The following BRCA2 variants were observed in gnomAD, a reference collection of about 807,000 sequenced individuals.
BRCA2 encodes the protein breast cancer type 2 susceptibility protein.
A neutral mutation model predicts 276.7 loss-of-function variants in BRCA2; 203 were observed. The observed-to-expected ratio is 0.73, with a 90% CI of 0.65 to 0.82. The LOEUF is 0.82. Ranked by LOEUF, BRCA2 falls within the 40% of genes least tolerant of loss-of-function variation. BRCA2 has a pLI of 0.00. For missense variants in BRCA2, 3,920 were observed against 3,915.0 expected (o/e 1.00, Z -0.03); for synonymous variants, 1,289 against 1,338.4 (o/e 0.96, Z 0.81).
chr13:32,382,785 A>G (rs1397115470), intron 24 of BRCA2, among the ~76,000 whole-genome samples: 1 of 152,234 alleles, frequency 6.6e-6, no homozygotes, highest in Non-Finnish European at 1.5e-5. Context: ...CTGATGAGAA[A>G]GATCCAATAA....
In BRCA2 at chr13:32,338,486, C is replaced by T. The variant is rs2137503190; in HGVS notation, c.4131C>T (p.Asn1377=). The T allele has an allele frequency of 6.2e-7, 1 of 1,610,192 alleles. No homozygotes were observed. The highest frequency in any genetic ancestry group is 2.2e-5 in the East Asian group (1 of 44,812). Residue 1377 remains asparagine, a synonymous_variant, in exon 11 of 27, where the codon AAC becomes AAT. Coordinates refer to ENST00000380152, the MANE Select transcript of BRCA2 (RefSeq NM_000059.4). ...CTGGCCAGTTTATGAAGGAGGGAAA[C>T]ACTCAGATTAAAGAAGATTTGTCAG... is the stretch of plus-strand genomic sequence containing the variant. ...KLSGQFMKEG[N]TQIKEDLSDL... is the part of the protein sequence containing the mutation.
intron 7 of BRCA2, among the ~76,000 whole-genome samples, 167 bp from the exon 8 acceptor site, chr13:32,329,276 G>A (rs1443165203): frequency 6.6e-6 from 1 of 152,162 alleles, no homozygotes; most frequent in East Asian, 1.9e-4. Context: ...TTTATTCACT[G>A]TGTTGATTGA....
intron 24 of BRCA2, among the ~76,000 whole-genome samples, chr13:32,392,589 CAA>C (rs10577567): frequency 0.29 from 38,561 of 134,150 alleles, 5,183 homozygotes; most frequent in African/African-American, 0.34. Flanking sequence ...GACTGCGTCT[CAA>C]AAAAAAAAAA....
At chr13:32,327,672 CAAA>C (rs760842499) in intron 7 of BRCA2, among the ~76,000 whole-genome samples, 1 of 119,990 alleles carries the variant, frequency 8.3e-6, no homozygotes, top group Non-Finnish European at 1.8e-5. Flanking sequence ...GACTCTGTCT[CAAA>C]AAAAAAAAAA....
chr13:32,375,351 T>G, intron 20 of BRCA2: 1 of 450,906 alleles, frequency 2.2e-6, no homozygotes, highest in Non-Finnish European at 4.4e-6. Flanking sequence ...AGTTACTTCC[T>G]CCACTGAAGT....
chr13:32,396,944 T>C lies in BRCA2; in HGVS notation c.9548T>C (p.Ile3183Thr), dbSNP rs755201475. 6.2e-6 allele frequency: 10 copies of C among 1,614,012 alleles called. No homozygotes were observed. In the South Asian group the frequency reaches 1.1e-4, roughly 18 times the overall value. ...GAAGCAGAAAACAAGCTTATGCATA[T>C]ACTGCATGCAAATGATCCCAAGTGG... ...CNEAENKLMH[I>T]LHANDPKWST... is the part of the protein sequence containing the mutation. The change falls in exon 26 of 27, where the codon ATA becomes ACA. Residue 3183 changes from isoleucine (I) to threonine (T), a missense_variant. Around this residue, in one of 2 missense-constraint regions of BRCA2, gnomAD observed 657 missense variants for 758.2 expected, o/e 0.87. Coordinates refer to ENST00000380152, the MANE Select transcript of BRCA2 (RefSeq NM_000059.4).
At chr13:32,379,698 T>A (rs2072906090) in intron 22 of BRCA2, 52 bp from the exon 23 acceptor site, 1 of 1,574,258 alleles carries the variant, frequency 6.4e-7, no homozygotes, top group Non-Finnish European at 8.7e-7. Context: ...AAACAAACAT[T>A]TAAATGATAA....
chr13:32,377,747 C>T (rs889940698), intron 21 of BRCA2, among the ~76,000 whole-genome samples: 4 of 151,858 alleles, frequency 2.6e-5, no homozygotes, highest in Non-Finnish European at 4.4e-5. Flanking sequence ...AGGTAGATAG[C>T]TAAAAAAAAA....
In BRCA2 at chr13:32,357,767, A is replaced by G. The variant is rs80358992; in HGVS notation, c.7643A>G (p.His2548Arg). 2.6e-5 allele frequency: 42 copies of G among 1,613,416 alleles called. No individual in the cohort carries two copies. The highest frequency in any genetic ancestry group is 3.5e-5 in the Non-Finnish European group (41 of 1,179,606). Reference protein sequence around the residue: ...KQLYTYGVSKHCIKINSKNAE... With the variant: ...KQLYTYGVSKRCIKINSKNAE... ...CTGTATACGTATGGCGTTTCTAAACATTGCATAAAAATTAACAGCAAAAAT... is the reference window on the plus strand; with the variant it reads ...CTGTATACGTATGGCGTTTCTAAACGTTGCATAAAAATTAACAGCAAAAAT... Residue 2548 changes from histidine to arginine, a missense_variant, in exon 16 of 27, where the codon CAT (histidine) becomes CGT (arginine). This residue lies in a region of BRCA2 where 3,263 missense variants were observed against 3,156.9 expected (regional missense o/e 1.03). Coordinates refer to ENST00000380152, the MANE Select transcript of BRCA2 (RefSeq NM_000059.4).
intron 3 of BRCA2, 96 bp downstream of exon 3, chr13:32,319,421 G>T: frequency 7.8e-7 from 1 of 1,278,378 alleles, no homozygotes; most frequent in Non-Finnish European, 1.1e-6. Flanking sequence ...ATTGTGTCAT[G>T]CTGGGCAAAT....
intron 26 of BRCA2, among the ~76,000 whole-genome samples, chr13:32,397,699 A>G (rs2073045917): frequency 1.3e-5 from 2 of 152,150 alleles, no homozygotes; most frequent in Admixed American, 1.3e-4. Flanking sequence ...TTAAGTGAGG[A>G]CTTGACTCTA....
chr13:32,330,904 CTA>C lies in BRCA2; in HGVS notation c.682-12_682-11del, dbSNP rs276174879. On this transcript the variant is annotated splice_polypyrimidine_tract_variant and intron_variant, in intron 8 of 26. Coordinates refer to ENST00000380152, the MANE Select transcript of BRCA2 (RefSeq NM_000059.4). ...GAGTTTTTATACTAGTGATTTTAAA[CTA>C]TAATTTTTGCAGAATGTGAAAAGCT... is the stretch of plus-strand genomic sequence containing the variant. 69 of 1,500,286 alleles carry C rather than the reference CTA, an allele frequency of 4.6e-5. 1 individual carries two copies. The highest frequency in any genetic ancestry group is 4.6e-5 in the South Asian group (4 of 87,832). The allele number at this position is 1,500,286 out of a possible 1,614,324, so 92.9% of individuals were successfully genotyped here.
chr13:32,380,131 T>C lies in BRCA2; in HGVS notation c.9242T>C (p.Val3081Ala), dbSNP rs80359189. 22 of 1,612,824 alleles carry C rather than the reference T, an allele frequency of 1.4e-5. No homozygotes were observed. The highest frequency in any genetic ancestry group is 1.6e-4 in the Middle Eastern group (1 of 6,078). Residue 3081 changes from valine to alanine, a missense_variant, in exon 24 of 27, where the codon GTT becomes GCT. Transcript: ENST00000380152. ...GACCTAATAGGATTTGTCGTTTCTGTTGTGAAAAAAACAGGTAATGCACAA... is the reference window on the plus strand; with the variant it reads ...GACCTAATAGGATTTGTCGTTTCTGCTGTGAAAAAAACAGGTAATGCACAA... ...EVDLIGFVVSVVKKTGLAPFV... is the reference protein window; with the variant it reads ...EVDLIGFVVSAVKKTGLAPFV...
At chr13:32,348,010 A>G (rs1323795907) in intron 13 of BRCA2, among the ~76,000 whole-genome samples, 2 of 152,172 alleles carry the variant, frequency 1.3e-5, no homozygotes, top group Non-Finnish European at 2.9e-5. Flanking sequence ...GACTATGAAA[A>G]CTTCATAAAA....
Position 32,316,087 on chromosome 13 carries a change from G to A in BRCA2, c.-39-335G>A, listed in dbSNP as rs1593880229. 5.3e-5 allele frequency among the ~76,000 whole-genome samples: 8 copies of A among 152,212 alleles called. No individual in the cohort carries two copies. The South Asian group carries it at 1.4e-3, about 28-fold the overall frequency. ...GGTAATTGCTGTATTCCGAAGACAT[G>A]CTGATGGGAATTACCAGGCGGCGTT... On this transcript the variant is annotated intron_variant, in intron 1 of 26. Coordinates refer to ENST00000380152, the MANE Select transcript of BRCA2 (RefSeq NM_000059.4).
At chr13:32,349,602 G>A (rs1294210589) in intron 13 of BRCA2, among the ~76,000 whole-genome samples, 2 of 151,982 alleles carry the variant, frequency 1.3e-5, no homozygotes, top group African/African-American at 4.8e-5. Context: ...AATCACCTGA[G>A]GTCAGGAATT....
chr13:32,384,736 C>A (rs374540640), intron 24 of BRCA2: 1 of 249,426 alleles, frequency 4.0e-6, no homozygotes. Context: ...TGGGAGGTAT[C>A]AATTAAAGAT....
Position 32,362,669 on chromosome 13 carries a change from G to C in BRCA2, c.7952G>C (p.Arg2651Thr), listed in dbSNP as rs1555286866. 6.2e-7 allele frequency: 1 copy of C among 1,614,166 alleles called. No homozygotes were observed. Among genetic ancestry groups the C allele is most frequent in the African/African-American group, 1.3e-5 (1 of 75,056 alleles). The change falls in exon 17 of 27, where the codon AGG becomes ACG. Residue 2651 changes from arginine (R) to threonine (T), a missense_variant. Coordinates refer to ENST00000380152, the MANE Select transcript of BRCA2 (RefSeq NM_000059.4). ...GCTAATAGATGCCTAAGCCCAGAAA[G>C]GGTGCTTCTTCAACTAAAATACAGG... ...EFANRCLSPE[R>T]VLLQLKYRYD...
In BRCA2 at chr13:32,354,862, A is replaced by G. The variant is rs431825348; in HGVS notation, c.7009A>G (p.Thr2337Ala). The change falls in exon 14 of 27, where the codon ACA becomes GCA. Residue 2337 changes from threonine to alanine, a missense_variant and splice_region_variant. By Grantham distance (58) the Thr-to-Ala change is moderately conservative. Around this residue, in one of 2 missense-constraint regions of BRCA2, gnomAD observed 3,263 missense variants for 3,156.9 expected, o/e 1.03. Coordinates refer to ENST00000380152, the MANE Select transcript of BRCA2 (RefSeq NM_000059.4). Reference protein sequence around the residue: ...LEPITCVPFRTTKERQEIQNP... With the variant: ...LEPITCVPFRATKERQEIQNP... ...TTATATATTTTCTCCCCATTGCAGC[A>G]CAACTAAGGAACGTCAAGAGATACA... 1 of 1,564,302 alleles carries G rather than the reference A, an allele frequency of 6.4e-7. No homozygotes were observed. The highest frequency in any genetic ancestry group is 1.7e-4 in the Middle Eastern group (1 of 5,978).
Sources: allele counts gnomAD v4.1 joint callset (sites outside exome capture counted in the v4.1 genomes callset), GRCh38; gene constraint gnomAD v4.1.1; regional missense constraint gnomAD v4.1.1; transcripts MANE v1.5; gene names NCBI Gene and HGNC (gene_info 2026-07-23, HGNC 2026-07-21).